The following BCL2L13 variants were observed in gnomAD, a reference collection of about 807,000 sequenced individuals.
BCL2L13 encodes the protein BCL2 like 13.
Under a neutral mutation model 25.8 loss-of-function variants are expected in BCL2L13, and 13 were observed. The observed-to-expected ratio is 0.50, with a 90% CI of 0.33 to 0.80. BCL2L13 has a LOEUF of 0.80. Among genes scored for constraint, BCL2L13 ranks in the 30% least tolerant of loss-of-function variants. The probability of loss-of-function intolerance (pLI) is 0.02; values close to 1 mark genes in which losing one functional copy is unlikely to be tolerated. For missense variants in BCL2L13, 504 were observed against 574.9 expected (o/e 0.88, Z 1.26); for synonymous variants, 244 against 230.3 (o/e 1.06, Z -0.54).
chr22:17,683,405 G>C (rs892178379), intron 3 of BCL2L13, 84 bp downstream of exon 3: 2 of 775,170 alleles, frequency 2.6e-6, no homozygotes, highest in Non-Finnish European at 4.2e-6. Context: ...TTTTACAGTG[G>C]GGTATTCTCA....
At chr22:17,697,756 A>G (rs187507640) in intron 5 of BCL2L13, among the ~76,000 whole-genome samples, 3 of 151,980 alleles carry the variant, frequency 2.0e-5, no homozygotes, top group Non-Finnish European at 4.4e-5. Flanking sequence ...TAAGATATCT[A>G]TTTGCCTCGT....
intron 6 of BCL2L13, among the ~76,000 whole-genome samples, chr22:17,704,338 G>A (rs1034931413): frequency 6.6e-6 from 1 of 151,864 alleles, no homozygotes; most frequent in African/African-American, 2.4e-5. Context: ...ACCCACTTAG[G>A]CCTCCCAAAG....
chr22:17,703,643 T>G (rs1343535319), intron 6 of BCL2L13: 4 of 152,208 alleles, frequency 2.6e-5, no homozygotes, highest in Non-Finnish European at 5.9e-5. Context: ...ATATGTAAAT[T>G]TAATTACTAT....
Position 17,727,912 on chromosome 22 carries a change from T to G in BCL2L13, c.*378T>G. 4.1e-6 allele frequency: 1 copy of G among 246,098 alleles called. No homozygotes were observed. Among genetic ancestry groups the G allele is most frequent in the Non-Finnish European group, 8.0e-6 (1 of 124,994 alleles). The allele number at this position is 246,098 out of a possible 1,614,324, so 15.2% of individuals were successfully genotyped here. A position where few individuals can be genotyped will look rare whatever the true frequency, so the allele number is the denominator to read the frequency against. On this transcript the variant is annotated 3_prime_UTR_variant, in exon 7 of 7. Coordinates refer to ENST00000317582, the MANE Select transcript of BCL2L13 (RefSeq NM_015367.4). Reference sequence around the variant, plus strand: ...CCCTCCCAGAGATGACAAACGAAAATGTCTCTAGACATTGCCAAATGTCCC... The same window carrying G: ...CCCTCCCAGAGATGACAAACGAAAAGGTCTCTAGACATTGCCAAATGTCCC...
chr22:17,698,077 A>G (rs1381735136), intron 5 of BCL2L13, among the ~76,000 whole-genome samples: 1 of 148,318 alleles, frequency 6.7e-6, no homozygotes, highest in Non-Finnish European at 1.5e-5. Context: ...CAATCTCCCA[A>G]ATTGCTGGGA....
At chr22:17,669,215 G>T (rs1015261645) in intron 2 of BCL2L13, among the ~76,000 whole-genome samples, 1 of 151,846 alleles carries the variant, frequency 6.6e-6, no homozygotes, top group Admixed American at 6.6e-5. Flanking sequence ...TGTATTTTTA[G>T]TAGAGACGGG....
chr22:17,678,473 G>A (rs546709601), intron 2 of BCL2L13, among the ~76,000 whole-genome samples: 41 of 152,170 alleles, frequency 2.7e-4, no homozygotes, highest in African/African-American at 9.2e-4. Context: ...AGAAGATGAC[G>A]AGAGCACAGC....
intron 1 of BCL2L13, among the ~76,000 whole-genome samples, chr22:17,631,708 T>A (rs10222266): frequency 0.032 from 293 of 9,088 alleles, no homozygotes; most frequent in South Asian, 0.075. Flanking sequence ...ATATATATAT[T>A]TTTTTTTTTT....
At position 17,645,286 on chromosome 22, in the gene BCL2L13, A is replaced by G. The variant is rs1021278781; in HGVS notation, c.-51+6400A>G. Among the ~76,000 whole-genome samples, 11 of 139,512 alleles carry G rather than the reference A, an allele frequency of 7.9e-5. 1 individual carries two copies. Among genetic ancestry groups the G allele is most frequent in the South Asian group, 2.2e-4 (1 of 4,468 alleles). The allele number at this position is 139,512 out of a possible 152,430, so 91.5% of individuals were successfully genotyped here. A position where few individuals can be genotyped will look rare whatever the true frequency, so the allele number is the denominator to read the frequency against. On this transcript the variant is annotated intron_variant, in intron 1 of 6. Coordinates refer to ENST00000317582, the MANE Select transcript of BCL2L13 (RefSeq NM_015367.4). The stretch of plus-strand genomic sequence containing the variant: ...ACTCTGTCACACAGGCTGGAGTGCA[A>G]TCTAGGCTCACCGCAACCTCTGCTT...
rs767562049 is a variant in BCL2L13 at position 17,702,333 on chromosome 22, G to A, written c.547G>A (p.Val183Met). ...EPLSALLQFGVTYLEDYSAEY... is the reference protein window; with the variant it reads ...EPLSALLQFGMTYLEDYSAEY... ...TTTGAGCGCACTGCTGCAGTTTGGC[G>A]TGACATACCTGGAGGACTATTCGGC... Residue 183 changes from valine (V) to methionine (M), a missense_variant, in exon 6 of 7, where the codon GTG (valine) becomes ATG (methionine). Coordinates refer to ENST00000317582, the MANE Select transcript of BCL2L13 (RefSeq NM_015367.4). 13 of 1,612,002 alleles carry A rather than the reference G, an allele frequency of 8.1e-6. No individual in the cohort carries two copies. Among genetic ancestry groups the A allele is most frequent in the East Asian group, 4.5e-5 (2 of 44,746 alleles).
At chr22:17,659,899 A>G (rs1190342313) in intron 2 of BCL2L13, among the ~76,000 whole-genome samples, 8 of 146,330 alleles carry the variant, frequency 5.5e-5, no homozygotes, top group African/African-American at 1.9e-4. Context: ...TGTGTCACCC[A>G]GGCTGGAGTG....
In BCL2L13 at chr22:17,683,257, T is replaced by G. The variant is rs904669706; in HGVS notation, c.165T>G (p.Ile55Met). ...CTTCACAATCTCTGGATCAAGAAAT[T>G]TTATTAAAAGTTAAAACTGAAATTG... ...DIASQSLDQE[I>M]LLKVKTEIEE... Residue 55 changes from isoleucine (I) to methionine (M), a missense_variant, in exon 3 of 7, where the codon ATT becomes ATG. Coordinates refer to ENST00000317582, the MANE Select transcript of BCL2L13 (RefSeq NM_015367.4). 6.3e-7 allele frequency: 1 copy of G among 1,594,750 alleles called. No individual in the cohort carries two copies. The highest frequency in any genetic ancestry group is 2.2e-5 in the East Asian group (1 of 44,464).
At chr22:17,662,819 T>A (rs951387491) in intron 2 of BCL2L13, among the ~76,000 whole-genome samples, 5 of 152,040 alleles carry the variant, frequency 3.3e-5, no homozygotes, top group Admixed American at 1.3e-4. Context: ...TCAAAAAAAA[T>A]AAAAATAAAA....
At chr22:17,631,690 A>ATATATT (rs2058026342) in intron 1 of BCL2L13, among the ~76,000 whole-genome samples, 3 of 53,858 alleles carry the variant, frequency 5.6e-5, no homozygotes, top group African/African-American at 1.3e-4. Flanking sequence ...ATATATATAT[A>ATATATT]TATATATATA....
upstream of BCL2L13, among the ~76,000 whole-genome samples, chr22:17,634,760 T>C (rs112743762): frequency 2.9e-3 from 430 of 150,590 alleles, 3 homozygotes; most frequent in African/African-American, 9.8e-3. Context: ...CTGGGCAACA[T>C]AGTGGGACAC....
intron 2 of BCL2L13, among the ~76,000 whole-genome samples, chr22:17,677,236 G>A (rs536681631): frequency 1.3e-5 from 2 of 152,268 alleles, no homozygotes; most frequent in East Asian, 1.9e-4. Flanking sequence ...GTTTTATGTC[G>A]CTTAAAGCCA....
Position 17,689,161 on chromosome 22 carries a change from T to C in BCL2L13, c.386+19T>C. On this transcript the variant is annotated intron_variant, in intron 4 of 6. Transcript: ENST00000317582. ...TGAGCCAGTGAGTTACACTGCTGAG[T>C]GGGATGTGCTTCTTTAAGTAGTCTC... The C allele has an allele frequency of 1.9e-6, 3 of 1,611,430 alleles. No individual in the cohort carries two copies. The highest frequency in any genetic ancestry group is 2.5e-6 in the Non-Finnish European group (3 of 1,178,574).
chr22:17,706,144 A>AT (rs2060583759), intron 6 of BCL2L13, among the ~76,000 whole-genome samples: 1 of 152,014 alleles, frequency 6.6e-6, no homozygotes, highest in Admixed American at 6.6e-5. Flanking sequence ...CCTCCCTAGT[A>AT]GCTGGGACCA....
At position 17,645,434 on chromosome 22, in the gene BCL2L13, C is replaced by G. The variant is rs535057023; in HGVS notation, c.-51+6548C>G. 3.3e-4 allele frequency among the ~76,000 whole-genome samples: 50 copies of G among 150,794 alleles called. 1 individual carries two copies. The South Asian group carries it at 7.5e-3, about 23-fold the overall frequency. On this transcript the variant is annotated intron_variant, in intron 1 of 6. Transcript: ENST00000317582. ...ACAGGGTTTCACCATGTTGGCCAGG[C>G]TGGTCTCTAACTCCTGGCCTCAAGT...
Sources: gnomAD v4.1 joint callset for allele counts (sites outside exome capture counted in the v4.1 genomes callset) on GRCh38, gnomAD v4.1.1 for gene constraint, MANE v1.5 for transcripts, NCBI Gene and HGNC (gene_info 2026-07-23, HGNC 2026-07-21) for gene names.